PRTG: variants seen among roughly 807,000 people sequenced by gnomAD.
PRTG encodes immunoglobulin superfamily, DCC subclass, member 5.
A neutral mutation model predicts 122.5 loss-of-function variants in PRTG; 67 were observed. The ratio of observed to expected loss-of-function variants is 0.55; its 90% CI spans 0.45 to 0.67. The LOEUF is 0.67. PRTG is among the 30% of genes least tolerant of loss of function. The pLI is 0.00. For missense variants in PRTG, 1,435 were observed against 1,415.4 expected, an observed-to-expected ratio of 1.01 and a Z score of -0.22; for synonymous variants, 554 against 501.1, an observed-to-expected ratio of 1.11 and a Z score of -1.41.
chr15:55,669,958 T>C (rs536371333), intron 11 of PRTG, among the ~76,000 whole-genome samples: 1 of 152,308 alleles, frequency 6.6e-6, no homozygotes, highest in Non-Finnish European at 1.5e-5. Flanking sequence ...TTACCTCAAA[T>C]AGCATACACA....
intron 2 of PRTG, among the ~76,000 whole-genome samples, chr15:55,719,039 C>T (rs1333421783): frequency 1.3e-5 from 2 of 152,118 alleles, no homozygotes. Flanking sequence ...GCCACCGTGC[C>T]CAGCCTCAAA....
At chr15:55,681,870 C>T (rs1409904025) in intron 4 of PRTG, among the ~76,000 whole-genome samples, 5 of 152,132 alleles carry the variant, frequency 3.3e-5, no homozygotes, top group Non-Finnish European at 7.3e-5. Context: ...AGCCAGCCCT[C>T]AGTATCTGTG....
intron 2 of PRTG, among the ~76,000 whole-genome samples, chr15:55,692,915 A>T (rs1007764013): frequency 1.5e-5 from 2 of 132,350 alleles, no homozygotes; most frequent in Non-Finnish European, 1.5e-5. Flanking sequence ...ATCTCAGCTC[A>T]CTGCAACCTC....
chr15:55,663,012 T>C (rs1392576107), intron 11 of PRTG, among the ~76,000 whole-genome samples: 1 of 152,208 alleles, frequency 6.6e-6, no homozygotes, highest in Non-Finnish European at 1.5e-5. Context: ...GTGAACTCAG[T>C]ATCTCCTACT....
rs2059127720 is a variant in PRTG at position 55,613,038 on chromosome 15, G to C, written c.*6974C>G. The C allele has an allele frequency of 6.6e-6, 1 of 151,828 alleles. No individual in the cohort carries two copies. Among genetic ancestry groups the C allele is most frequent in the African/African-American group, 2.4e-5 (1 of 41,338 alleles). 9.4% of individuals were successfully genotyped at this position (151,828 alleles called of 1,614,324 possible). A position where few individuals can be genotyped will look rare whatever the true frequency, so the allele number is the denominator to read the frequency against. On this transcript the variant is annotated 3_prime_UTR_variant, in exon 20 of 20. Coordinates refer to ENST00000389286, the MANE Select transcript of PRTG (RefSeq NM_173814.6). ...TTTCAGATTATGATTATTTACACTT[G>C]AATTTTCTCTTAAGTTTTCAAAGTA... is the stretch of plus-strand genomic sequence containing the variant.
At chr15:55,691,243 C>T (rs1306516994) in intron 2 of PRTG, among the ~76,000 whole-genome samples, 2 of 148,940 alleles carry the variant, frequency 1.3e-5, no homozygotes, top group African/African-American at 5.0e-5. Flanking sequence ...TTGCAGTGAG[C>T]CGAGATCGCA....
chr15:55,658,962 C>A (rs756553395), intron 11 of PRTG, among the ~76,000 whole-genome samples: 1 of 152,182 alleles, frequency 6.6e-6, no homozygotes, highest in Non-Finnish European at 1.5e-5. Flanking sequence ...TTGTGATAAT[C>A]AGGCAAAATG....
intron 11 of PRTG, among the ~76,000 whole-genome samples, chr15:55,644,537 C>G (rs1190032773): frequency 6.6e-6 from 1 of 152,082 alleles, no homozygotes; most frequent in Non-Finnish European, 1.5e-5. Flanking sequence ...TTCTGTTGGT[C>G]AGACAGAAAC....
At chr15:55,628,533 C>G (rs2059208212) in intron 16 of PRTG, among the ~76,000 whole-genome samples, 1 of 152,098 alleles carries the variant, frequency 6.6e-6, no homozygotes, top group African/African-American at 2.4e-5. Context: ...CCCACTCCTA[C>G]CAGTTCATGG....
intron 15 of PRTG, among the ~76,000 whole-genome samples, chr15:55,633,618 C>T (rs973769344): frequency 1.8e-4 from 28 of 152,176 alleles, no homozygotes; most frequent in African/African-American, 6.5e-4. Flanking sequence ...TTTCCTTCAT[C>T]TTTTTCTATA....
At chr15:55,708,163 A>ACAAAC (rs1555435320) in intron 2 of PRTG, among the ~76,000 whole-genome samples, 1 of 97,764 alleles carries the variant, frequency 1.0e-5, no homozygotes, top group African/African-American at 3.4e-5. Context: ...AAAAAAAAAA[A>ACAAAC]AAAAAAAAAA....
At chr15:55,741,714 T>C (rs1257043047) in intron 1 of PRTG, among the ~76,000 whole-genome samples, 1 of 152,204 alleles carries the variant, frequency 6.6e-6, no homozygotes, top group African/African-American at 2.4e-5. Flanking sequence ...CAGAAATGAT[T>C]TGTTTCTCCT....
intron 2 of PRTG, among the ~76,000 whole-genome samples, chr15:55,726,672 A>G (rs374938038): frequency 4.7e-4 from 72 of 152,014 alleles, no homozygotes; most frequent in African/African-American, 1.6e-3. Flanking sequence ...TTAAAATTAT[A>G]AAAAGTATTT....
chr15:55,683,685 C>A, intron 3 of PRTG, 102 bp downstream of exon 3: 1 of 910,076 alleles, frequency 1.1e-6, no homozygotes, highest in East Asian at 2.7e-5. Flanking sequence ...TATTACTGCC[C>A]TAAATAAAAA....
In PRTG at chr15:55,639,781, A is replaced by G; in HGVS notation, c.2185T>C (p.Tyr729His). ...GAAGATGAGGTGTTAGCCTTCGCAT[A>G]GAGATGGTGGGGTGGTGGTGGAGGA... Reference protein sequence around the residue: ...VPPPPPPHHLYAKANTSSSIF... With the variant: ...VPPPPPPHHLHAKANTSSSIF... Residue 729 changes from tyrosine to histidine, a missense_variant, in exon 13 of 20, where the codon TAT becomes CAT. Tyr to His is a moderately conservative substitution (Grantham distance 83). Transcript: ENST00000389286. 1 of 1,613,836 alleles carries G rather than the reference A, an allele frequency of 6.2e-7. No homozygotes were observed. Among genetic ancestry groups the G allele is most frequent in the Non-Finnish European group, 8.5e-7 (1 of 1,179,708 alleles).
chr15:55,655,855 A>G (rs1320083501), intron 11 of PRTG: 5 of 152,356 alleles, frequency 3.3e-5, no homozygotes, highest in African/African-American at 1.2e-4. Context: ...TTGTAAAACC[A>G]TTATCTAATT....
At position 55,619,823 on chromosome 15, in the gene PRTG, G is replaced by C; in HGVS notation, c.*189C>G. ...TTTGGTTCCCTGTTCATTGTCCTTC[G>C]AACAGATTTAATGGTGAGAATACCT... On this transcript the variant is annotated 3_prime_UTR_variant, in exon 20 of 20. Coordinates refer to ENST00000389286, the MANE Select transcript of PRTG (RefSeq NM_173814.6). 1 of 924,598 alleles carries C rather than the reference G, an allele frequency of 1.1e-6. No homozygotes were observed. Among genetic ancestry groups the C allele is most frequent in the Non-Finnish European group, 1.6e-6 (1 of 640,000 alleles). The allele number at this position is 924,598 out of a possible 1,614,324, so 57.3% of individuals were successfully genotyped here.
At chr15:55,631,253 T>C (rs536365746) in intron 15 of PRTG, among the ~76,000 whole-genome samples, 21 of 152,304 alleles carry the variant, frequency 1.4e-4, no homozygotes, top group Admixed American at 1.0e-3. Flanking sequence ...CAAAGATGTA[T>C]TGTGACATGT....
intron 2 of PRTG, among the ~76,000 whole-genome samples, chr15:55,721,266 C>CT (rs1390376502): frequency 6.6e-6 from 1 of 152,342 alleles, no homozygotes; most frequent in East Asian, 1.9e-4. Context: ...TCCACTCTGC[C>CT]TACAGCCCTG....
Sources: gnomAD v4.1 joint callset for allele counts (sites outside exome capture counted in the v4.1 genomes callset) on GRCh38, gnomAD v4.1.1 for gene constraint, MANE v1.5 for transcripts, NCBI Gene and HGNC (gene_info 2026-07-23, HGNC 2026-07-21) for gene names.